NRXN1: variants seen among roughly 807,000 people sequenced by gnomAD.
NRXN1 encodes the protein neurexin 1, also known as neurexin-1.
In NRXN1, 39 loss-of-function variants were observed where a neutral mutation model predicts 150.9. The ratio of observed to expected loss-of-function variants is 0.26; its 90% confidence interval spans 0.20 to 0.34. The LOEUF (loss-of-function observed/expected upper bound fraction) is 0.34, where lower values mean the gene tolerates loss of function less well. NRXN1 is among the 10% of genes least tolerant of loss of function. The probability of loss-of-function intolerance (pLI) is 1.00; values close to 1 mark genes in which losing one functional copy is unlikely to be tolerated. For synonymous variants in NRXN1, 924 were observed against 757.0 expected, an observed-to-expected ratio of 1.22 and a Z score of -3.62; for missense variants, 1,815 against 1,949.9, an observed-to-expected ratio of 0.93 and a Z score of 1.30.
chr2:50,355,147 G>A (rs1040446865), intron 17 of NRXN1, among the ~76,000 whole-genome samples: 6 of 151,780 alleles, frequency 4.0e-5, no homozygotes, highest in African/African-American at 1.4e-4. Context: ...CAATTTGAAT[G>A]CACTGAGAGG....
At chr2:50,426,858 C>A (rs2084538465) in intron 17 of NRXN1, among the ~76,000 whole-genome samples, 1 of 152,180 alleles carries the variant, frequency 6.6e-6, no homozygotes, top group African/African-American at 2.4e-5. Context: ...CTCTGCTCCA[C>A]ACAGTATTTC....
At position 50,019,913 on chromosome 2, in the gene NRXN1, ACTCC is replaced by A. The variant is rs1373136979; in HGVS notation, c.4128+33354_4128+33357del. Among the ~76,000 whole-genome samples, 29 of 132,786 alleles carry A rather than the reference ACTCC, an allele frequency of 2.2e-4. 1 individual carries two copies. The highest frequency in any genetic ancestry group is 8.0e-4 in the African/African-American group (28 of 35,122). 87.1% of individuals were successfully genotyped at this position (132,786 alleles called of 152,430 possible). ...CAGTGAGCCGAGATCGCGCCACTGC[ACTCC>A]GGCCTGGGTGACAAAGCAAGACTCC... On this transcript the variant is annotated intron_variant, in intron 21 of 22. Coordinates refer to ENST00000401669, the MANE Select transcript of NRXN1 (RefSeq NM_001330078.2).
At chr2:50,987,910 C>A (rs1046011928) in intron 2 of NRXN1, among the ~76,000 whole-genome samples, 2 of 151,876 alleles carry the variant, frequency 1.3e-5, no homozygotes, top group Non-Finnish European at 2.9e-5. Flanking sequence ...GACGTTATTC[C>A]AATGATCCTC....
rs147926294 is a variant in NRXN1, at chr2:50,852,479, A to G, written c.832+69390T>C. Reference sequence around the variant, plus strand: ...TGTCTGCCTGTTTACTCAGACCCCAATGGAGGGTCATATTTCTGTCAATTC... The same window carrying G: ...TGTCTGCCTGTTTACTCAGACCCCAGTGGAGGGTCATATTTCTGTCAATTC... On this transcript the variant is annotated intron_variant, in intron 5 of 22. Transcript: ENST00000401669. Among the ~76,000 whole-genome samples the G allele has an allele frequency of 8.9e-4, 135 of 152,284 alleles. 1 individual carries two copies. Among genetic ancestry groups the G allele is most frequent in the African/African-American group, 3.1e-3 (130 of 41,580 alleles).
intron 21 of NRXN1, chr2:49,969,640 T>G (rs1677599814): frequency 6.6e-6 from 1 of 152,024 alleles, no homozygotes; most frequent in Non-Finnish European, 1.5e-5. Flanking sequence ...GACGACTGAT[T>G]AGGAAAGAAT....
At chr2:50,815,035 A>C (rs930608155) in intron 5 of NRXN1, among the ~76,000 whole-genome samples, 2 of 152,080 alleles carry the variant, frequency 1.3e-5, no homozygotes, top group Non-Finnish European at 2.9e-5. Context: ...AATTCTTAGA[A>C]TTATGTTGCA....
intron 16 of NRXN1, among the ~76,000 whole-genome samples, chr2:50,470,382 A>G (rs1297039712): frequency 6.6e-6 from 1 of 151,700 alleles, no homozygotes; most frequent in African/African-American, 2.4e-5. Flanking sequence ...AAAATATCAA[A>G]TAAAGAAATA....
chr2:50,128,376 C>A (rs1704925994), intron 18 of NRXN1, among the ~76,000 whole-genome samples: 2 of 152,304 alleles, frequency 1.3e-5, no homozygotes, highest in South Asian at 4.1e-4. Context: ...TAAGTTAAAT[C>A]CATCCTTATG....
chr2:50,509,627 A>G (rs1184804877), intron 12 of NRXN1, among the ~76,000 whole-genome samples: 1 of 152,228 alleles, frequency 6.6e-6, no homozygotes, highest in Non-Finnish European at 1.5e-5. Context: ...TTGTTAAAGA[A>G]AGATGGTTTA....
intron 8 of NRXN1, among the ~76,000 whole-genome samples, chr2:50,555,742 T>G (rs767942346): frequency 6.6e-6 from 1 of 152,186 alleles, no homozygotes; most frequent in South Asian, 2.1e-4. Context: ...CAGCAGAATA[T>G]GGTATTGCGG....
At chr2:50,350,451 G>A (rs1230273302) in intron 17 of NRXN1, among the ~76,000 whole-genome samples, 1 of 152,158 alleles carries the variant, frequency 6.6e-6, no homozygotes, top group Non-Finnish European at 1.5e-5. Context: ...GAAACAAGAA[G>A]GAAGCCAATA....
At chr2:50,453,814 T>C (rs1057357129) in intron 17 of NRXN1, among the ~76,000 whole-genome samples, 1 of 152,098 alleles carries the variant, frequency 6.6e-6, no homozygotes, top group African/African-American at 2.4e-5. Flanking sequence ...GTAAGAGAAA[T>C]GGGATTATTA....
chr2:50,518,851 T>C (rs1019856685), intron 12 of NRXN1, among the ~76,000 whole-genome samples: 30 of 151,864 alleles, frequency 2.0e-4, no homozygotes, highest in African/African-American at 7.2e-4. Context: ...ATTTAGTTCA[T>C]CCTCAGTATT....
At position 51,026,339 on chromosome 2, in the gene NRXN1, A is replaced by C. The variant is rs139064548; in HGVS notation, c.772+1163T>G. On this transcript the variant is annotated intron_variant, in intron 2 of 22. Transcript: ENST00000401669. ...AAATCCTGACATCTCCTACTTAGCC[A>C]CTGATTCGTCTTTTTCACACCACTC... The C allele has an allele frequency of 5.7e-3, 8,004 of 1,402,318 alleles. 37 individuals carry two copies. Among genetic ancestry groups the C allele is most frequent in the Non-Finnish European group, 7.1e-3 (7,089 of 1,004,666 alleles). The allele number at this position is 1,402,318 out of a possible 1,614,324, so 86.9% of individuals were successfully genotyped here. A position where few individuals can be genotyped will look rare whatever the true frequency, so the allele number is the denominator to read the frequency against.
At chr2:50,525,638 C>T (rs958914316) in intron 12 of NRXN1, among the ~76,000 whole-genome samples, 21 of 152,222 alleles carry the variant, frequency 1.4e-4, no homozygotes, top group Non-Finnish European at 2.6e-4. Flanking sequence ...TGTGCAGTCA[C>T]ACTCTGTAAT....
intron 5 of NRXN1, among the ~76,000 whole-genome samples, chr2:50,705,530 C>T (rs1694317124): frequency 6.6e-6 from 1 of 152,166 alleles, no homozygotes; most frequent in South Asian, 2.1e-4. Flanking sequence ...TGATCTGGCA[C>T]TATGAATAAG....
intron 18 of NRXN1, among the ~76,000 whole-genome samples, chr2:50,230,235 G>A (rs973603914): frequency 5.9e-5 from 9 of 152,042 alleles, no homozygotes; most frequent in African/African-American, 1.4e-4. Context: ...TAGTGAGAGA[G>A]AATGGGAAGA....
At chr2:50,306,862 C>G (rs1344330973) in intron 17 of NRXN1, among the ~76,000 whole-genome samples, 1 of 152,070 alleles carries the variant, frequency 6.6e-6, no homozygotes, top group Non-Finnish European at 1.5e-5. Context: ...ATGTATTTTC[C>G]TATTTTATAA....
intron 5 of NRXN1, among the ~76,000 whole-genome samples, chr2:50,909,916 A>C (rs574819618): frequency 1.1e-4 from 16 of 152,032 alleles, no homozygotes; most frequent in Non-Finnish European, 2.2e-4. Flanking sequence ...AAAGAAATTT[A>C]AAAATAAATT....
Sources: allele counts gnomAD v4.1 joint callset (sites outside exome capture counted in the v4.1 genomes callset), GRCh38; gene constraint gnomAD v4.1.1; transcripts MANE v1.5; gene names NCBI Gene and HGNC (gene_info 2026-07-23, HGNC 2026-07-21).